The following FGF12 variants were observed in gnomAD, a reference collection of about 807,000 sequenced individuals.
FGF12 encodes the protein fibroblast growth factor 12B.
Under a neutral mutation model 23.6 loss-of-function variants are expected in FGF12, and 14 were observed. That is an observed-to-expected ratio of 0.59 (90% CI 0.39 to 0.93). FGF12 has a LOEUF of 0.93. Ranked by LOEUF, FGF12 falls within the 40% of genes least tolerant of loss-of-function variation. The pLI is 0.00. For missense variants in FGF12, 175 were observed against 217.8 expected (o/e 0.80, Z 1.24); for synonymous variants, 62 against 77.3 (o/e 0.80, Z 1.04).
chr3:192,231,258 T>C (rs1376760160), intron 4 of FGF12, among the ~76,000 whole-genome samples: 2 of 152,062 alleles, frequency 1.3e-5, no homozygotes, highest in Non-Finnish European at 2.9e-5. Context: ...AATCTGAAAA[T>C]GCCTATTTAG....
chr3:192,258,688 CT>C (rs1178443511), intron 4 of FGF12, among the ~76,000 whole-genome samples: 1 of 151,974 alleles, frequency 6.6e-6, no homozygotes, highest in African/African-American at 2.4e-5. Flanking sequence ...AGTATAAAAA[CT>C]TTTGGGTGAC....
chr3:192,557,317 C>T (rs1711828126), intron 2 of FGF12, among the ~76,000 whole-genome samples: 1 of 148,628 alleles, frequency 6.7e-6, no homozygotes, highest in East Asian at 2.0e-4. Context: ...ATGAAAAAAA[C>T]AGATAAGTCT....
intron 2 of FGF12, among the ~76,000 whole-genome samples, chr3:192,679,165 G>A (rs956070207): frequency 4.6e-5 from 7 of 152,126 alleles, no homozygotes; most frequent in East Asian, 1.9e-4. Context: ...GAGGAGGCAC[G>A]GAAGGTCATA....
chr3:192,492,931 C>G (rs146739075), intron 2 of FGF12, among the ~76,000 whole-genome samples: 38 of 148,940 alleles, frequency 2.6e-4, no homozygotes, highest in African/African-American at 8.4e-4. Flanking sequence ...CAGGCATGTG[C>G]TATCATGCCT....
At chr3:192,174,004 C>T (rs185755593) in intron 4 of FGF12, among the ~76,000 whole-genome samples, 1 of 152,336 alleles carries the variant, frequency 6.6e-6, no homozygotes, top group Non-Finnish European at 1.5e-5. Flanking sequence ...CTGTGTTGAA[C>T]AACGGGCTCC....
In FGF12 at chr3:192,698,177, T is replaced by A. The variant is rs1718183524; in HGVS notation, c.13+29004A>T. 2.0e-5 allele frequency among the ~76,000 whole-genome samples: 3 copies of A among 152,192 alleles called. No homozygotes were observed. The South Asian group carries it at 6.2e-4, about 31-fold the overall frequency. The stretch of plus-strand genomic sequence containing the variant: ...CAAGAAATATTGGTGAATTAACAAA[T>A]CAATATTTTAATGAATTAACTAATC... On this transcript the variant is annotated intron_variant, in intron 2 of 5. Coordinates refer to ENST00000445105, the MANE Select transcript of FGF12 (RefSeq NM_004113.6).
intron 4 of FGF12, among the ~76,000 whole-genome samples, chr3:192,334,374 A>C (rs929468711): frequency 6.6e-6 from 1 of 152,146 alleles, no homozygotes; most frequent in African/African-American, 2.4e-5. Context: ...CTAATTTAGA[A>C]TCCAGCAGAC....
Position 192,306,104 on chromosome 3 carries a change from C to T in FGF12, c.228+29257G>A, listed in dbSNP as rs916364672. Among the ~76,000 whole-genome samples the T allele has an allele frequency of 5.3e-5, 8 of 152,060 alleles. No homozygotes were observed. The East Asian group carries it at 5.8e-4, about 11-fold the overall frequency. The stretch of plus-strand genomic sequence containing the variant: ...CTCGATCTCCTGACCTCGTGATCCA[C>T]CTGTCTCTAAGGTTTTTATGTGGAT... On this transcript the variant is annotated intron_variant, in intron 4 of 5. Coordinates refer to ENST00000445105, the MANE Select transcript of FGF12 (RefSeq NM_004113.6).
rs34935744 is a variant in FGF12 at position 192,506,892 on chromosome 3, G to GT, written c.14-146355dup. ...CCATCTAGTCATGGCCATTAACTCA[G>GT]TTTTTTTTTTTTTTTTTGAGATGGA... On this transcript the variant is annotated intron_variant, in intron 2 of 5. Transcript: ENST00000445105. Among the ~76,000 whole-genome samples, 395 of 123,362 alleles carry GT rather than the reference G, an allele frequency of 3.2e-3. 1 individual carries two copies. The highest frequency in any genetic ancestry group is 8.5e-3 in the African/African-American group (290 of 34,076). The allele number at this position is 123,362 out of a possible 152,430, so 80.9% of individuals were successfully genotyped here.
intron 2 of FGF12, among the ~76,000 whole-genome samples, chr3:192,540,360 ATTTTTTTCAATTTC>A (rs1207033091): frequency 6.6e-6 from 1 of 151,706 alleles, no homozygotes; most frequent in Admixed American, 6.6e-5. Context: ...TTGTTTCAAG[ATTTTTTTCAATTTC>A]CTTTTTCATT....
At chr3:192,341,717 A>C (rs970748845) in intron 3 of FGF12, among the ~76,000 whole-genome samples, 1 of 152,156 alleles carries the variant, frequency 6.6e-6, no homozygotes, top group African/African-American at 2.4e-5. Context: ...AATAGATAAT[A>C]TTCATTGACT....
chr3:192,623,336 G>A (rs1482031827), intron 2 of FGF12, among the ~76,000 whole-genome samples: 2 of 152,142 alleles, frequency 1.3e-5, no homozygotes, highest in Admixed American at 6.5e-5. Context: ...CTCTGGATGG[G>A]ATTTCTGATC....
At chr3:192,626,934 A>T (rs979519623) in intron 2 of FGF12, among the ~76,000 whole-genome samples, 1 of 152,216 alleles carries the variant, frequency 6.6e-6, no homozygotes, top group Non-Finnish European at 1.5e-5. Flanking sequence ...AACAAAAAGT[A>T]TCACATGCTC....
intron 4 of FGF12, among the ~76,000 whole-genome samples, chr3:192,327,829 AGCTGGGAACAGAGGTGCAT>A (rs140996490): frequency 0.02 from 3,053 of 152,174 alleles, 114 homozygotes; most frequent in African/African-American, 0.071. Context: ...CCTCCTATGT[AGCTGGGAACAGAGGTGCAT>A]GCTACCATCC....
In FGF12 at chr3:192,328,483, T is replaced by G. The variant is rs1366532032; in HGVS notation, c.228+6878A>C. ...TACCTGAAGAGTAACATGTCCTGAC[T>G]CAACAGGAAGACGACAATAGAAGCT... On this transcript the variant is annotated intron_variant, in intron 4 of 5. Transcript: ENST00000445105. Among the ~76,000 whole-genome samples, 6 of 152,302 alleles carry G rather than the reference T, an allele frequency of 3.9e-5. No homozygotes were observed. The East Asian group carries it at 1.2e-3, about 29-fold the overall frequency.
chr3:192,407,875 A>G (rs1721028067), intron 2 of FGF12: 4 of 852,378 alleles, frequency 4.7e-6, no homozygotes, highest in Non-Finnish European at 7.3e-6. Flanking sequence ...TAACTGACAG[A>G]GTGGTTGAAA....
chr3:192,464,290 C>T (rs1392659501), intron 2 of FGF12, among the ~76,000 whole-genome samples: 2 of 151,746 alleles, frequency 1.3e-5, no homozygotes, highest in Non-Finnish European at 2.9e-5. Context: ...TCACCCCCCT[C>T]CCACCCTTCC....
chr3:192,694,188 T>C (rs1450238652), intron 2 of FGF12, among the ~76,000 whole-genome samples: 2 of 152,102 alleles, frequency 1.3e-5, no homozygotes, highest in African/African-American at 4.8e-5. Flanking sequence ...AAAACTACGA[T>C]GAGATATCAC....
intron 2 of FGF12, among the ~76,000 whole-genome samples, chr3:192,501,565 T>C (rs943926069): frequency 5.9e-5 from 9 of 152,246 alleles, no homozygotes; most frequent in Admixed American, 2.0e-4. Flanking sequence ...TAATAGTAAC[T>C]ACAAATAGAA....
Sources: gnomAD v4.1 joint callset for allele counts (sites outside exome capture counted in the v4.1 genomes callset) on GRCh38, gnomAD v4.1.1 for gene constraint, MANE v1.5 for transcripts, NCBI Gene and HGNC (gene_info 2026-07-23, HGNC 2026-07-21) for gene names.